Variants in USP3 observed in about 807,000 individuals in gnomAD.
USP3 encodes ubiquitin specific peptidase 3, also known as ubiquitin carboxyl-terminal hydrolase 3.
In USP3, 20 loss-of-function variants were observed where a neutral mutation model predicts 72.3. That is an observed-to-expected ratio of 0.28 (90% CI 0.19 to 0.40). The LOEUF is 0.40. Ranked by LOEUF, USP3 falls within the 10% of genes least tolerant of loss-of-function variation. The pLI is 1.00. For synonymous variants in USP3, 222 were observed against 225.3 expected, an observed-to-expected ratio of 0.99 and a Z score of 0.13; for missense variants, 479 against 633.9, an observed-to-expected ratio of 0.76 and a Z score of 2.62.
intron 3 of USP3, among the ~76,000 whole-genome samples, chr15:63,543,059 A>C (rs1240527461): frequency 6.6e-6 from 1 of 151,824 alleles, no homozygotes; most frequent in Non-Finnish European, 1.5e-5. Context: ...CTTTATTAGT[A>C]GTCATCAGTT....
Position 63,558,172 on chromosome 15 carries a change from A to C in USP3, c.517A>C (p.Ile173Leu), listed in dbSNP as rs746956291. 6.2e-7 allele frequency: 1 copy of C among 1,613,934 alleles called. No individual in the cohort carries two copies. The highest frequency in any genetic ancestry group is 1.3e-5 in the African/African-American group (1 of 74,852). ...NLGNTCFMNA[I>L]LQSLSNIEQF... The stretch of plus-strand genomic sequence containing the variant: ...GGGGAACACATGTTTCATGAATGCC[A>C]TCCTTCAGTCACTCAGGTAACGCTA... Residue 173 changes from isoleucine to leucine, a missense_variant, in exon 6 of 15, where the codon ATC (isoleucine) becomes CTC (leucine). By Grantham distance (5) the Ile-to-Leu change is conservative. Coordinates refer to ENST00000380324, the MANE Select transcript of USP3 (RefSeq NM_006537.4).
intron 11 of USP3, among the ~76,000 whole-genome samples, chr15:63,576,831 T>G (rs2066872565): frequency 6.6e-6 from 1 of 152,208 alleles, no homozygotes; most frequent in African/African-American, 2.4e-5. Flanking sequence ...TCACTGTGTT[T>G]TTGTTGACCA....
chr15:63,556,924 T>G (rs772558738), intron 5 of USP3, 176 bp downstream of exon 5: 1 of 527,412 alleles, frequency 1.9e-6, no homozygotes, highest in Non-Finnish European at 3.4e-6. Flanking sequence ...GTGACCCCAG[T>G]GAGTCCATCT....
chr15:63,584,545 G>GA (rs1208590985), intron 11 of USP3, among the ~76,000 whole-genome samples: 1 of 152,146 alleles, frequency 6.6e-6, no homozygotes, highest in African/African-American at 2.4e-5. Context: ...TTGTGATGTT[G>GA]AGCATCTTTT....
chr15:63,528,189 G>C lies in USP3; in HGVS notation c.92-4458G>C, dbSNP rs1385255069. ...GAAGTGAGACACTGCAGTCAGGGTT[G>C]GAAGAATCCAAGTAAACCGAAGAAA... On this transcript the variant is annotated intron_variant, in intron 1 of 14. Coordinates refer to ENST00000380324, the MANE Select transcript of USP3 (RefSeq NM_006537.4). The surrounding 1 kb of genome is among the most constrained non-coding windows in gnomAD (Gnocchi z 4.3). 3 of 152,218 alleles carry C rather than the reference G, an allele frequency of 2.0e-5. No individual in the cohort carries two copies. The highest frequency in any genetic ancestry group is 7.2e-5 in the African/African-American group (3 of 41,450). 9.4% of individuals were successfully genotyped at this position (152,218 alleles called of 1,614,324 possible). A position where few individuals can be genotyped will look rare whatever the true frequency, so the allele number is the denominator to read the frequency against.
rs1157999184 is a variant in USP3 at position 63,531,604 on chromosome 15, G to C, written c.92-1043G>C. On this transcript the variant is annotated intron_variant, in intron 1 of 14. Coordinates refer to ENST00000380324, the MANE Select transcript of USP3 (RefSeq NM_006537.4). ...TCGGTTAATTTTTTTTTAACAGTGA[G>C]AAAGGCCTGTTGTGATACGGGATTG... 3.3e-5 allele frequency among the ~76,000 whole-genome samples: 5 copies of C among 152,244 alleles called. No homozygotes were observed. In the Middle Eastern group the frequency reaches 0.014, roughly 414 times the overall value.
At chr15:63,568,297 G>A (rs1404824830) in intron 8 of USP3, among the ~76,000 whole-genome samples, 2 of 150,646 alleles carry the variant, frequency 1.3e-5, no homozygotes, top group South Asian at 2.1e-4. Flanking sequence ...GGAGGTTGCA[G>A]TGAGCCAAGA....
rs62011333 is a variant in USP3 at position 63,544,859 on chromosome 15, G to A, written c.284+7703G>A. The A allele has an allele frequency of 0.15, 89,728 of 616,800 alleles. 7,978 individuals carry two copies. The highest frequency in any genetic ancestry group is 0.18 in the South Asian group (9,604 of 52,252). The allele number at this position is 616,800 out of a possible 1,614,324, so 38.2% of individuals were successfully genotyped here. ...TATCTAAGCAAGGCTGACATTGTGG[G>A]GACCATCAAATACTATACTTAGTTC... On this transcript the variant is annotated intron_variant, in intron 3 of 14. Coordinates refer to ENST00000380324, the MANE Select transcript of USP3 (RefSeq NM_006537.4). This position sits in a 1 kb window ranked among gnomAD's most constrained non-coding sequence, Gnocchi z 4.2.
At chr15:63,554,169 T>C (rs889965454) in intron 4 of USP3, among the ~76,000 whole-genome samples, 2 of 152,114 alleles carry the variant, frequency 1.3e-5, no homozygotes, top group Admixed American at 6.6e-5. Context: ...TCAAATGTAT[T>C]ATGAGGTCTA....
intron 8 of USP3, among the ~76,000 whole-genome samples, chr15:63,568,102 C>T (rs1013244568): frequency 6.6e-6 from 1 of 152,118 alleles, no homozygotes; most frequent in Non-Finnish European, 1.5e-5. Flanking sequence ...TGCCTGTAAT[C>T]CCAGCACTTT....
At chr15:63,515,845 C>T (rs1237370994) in intron 1 of USP3, among the ~76,000 whole-genome samples, 5 of 152,300 alleles carry the variant, frequency 3.3e-5, no homozygotes, top group East Asian at 1.9e-4. Flanking sequence ...TAGTCTTCCT[C>T]GCCTCCACTC....
Position 63,593,388 on chromosome 15 carries a change from T to C in USP3, c.*2562T>C, listed in dbSNP as rs2067238808. On this transcript the variant is annotated 3_prime_UTR_variant, in exon 15 of 15. Transcript: ENST00000380324. The stretch of plus-strand genomic sequence containing the variant: ...TTAGAAGGTAGACAGCTGTAACCTC[T>C]AACATTGATACTTCGATCTTCAGTC... 1.3e-5 allele frequency: 2 copies of C among 152,216 alleles called. No homozygotes were observed. The highest frequency in any genetic ancestry group is 2.9e-5 in the Non-Finnish European group (2 of 68,044). The allele number at this position is 152,216 out of a possible 1,614,324, so 9.4% of individuals were successfully genotyped here.
intron 1 of USP3, among the ~76,000 whole-genome samples, chr15:63,524,313 G>C (rs758287558): frequency 3.2e-4 from 49 of 152,278 alleles, no homozygotes; most frequent in Non-Finnish European, 6.0e-4. Flanking sequence ...AGTTTCTTTT[G>C]CATCCTCACT....
At chr15:63,587,346 G>A (rs1057462824) in intron 11 of USP3, among the ~76,000 whole-genome samples, 1 of 152,062 alleles carries the variant, frequency 6.6e-6, no homozygotes, top group Admixed American at 6.5e-5. Context: ...AGAATAACGT[G>A]TATTTTATAT....
intron 2 of USP3, chr15:63,533,905 C>G: frequency 8.6e-7 from 1 of 1,163,094 alleles, no homozygotes; most frequent in Non-Finnish European, 1.1e-6. Context: ...GATTCCTCTC[C>G]TAGATTTTGA....
chr15:63,525,053 A>G (rs187992602), intron 1 of USP3, among the ~76,000 whole-genome samples: 317 of 152,356 alleles, frequency 2.1e-3, no homozygotes, highest in African/African-American at 7.3e-3. Flanking sequence ...CCTACTTTAT[A>G]TAATGATTCA....
chr15:63,574,499 T>A lies in USP3; in HGVS notation c.1096+96T>A. 1.1e-6 allele frequency: 1 copy of A among 910,000 alleles called. No individual in the cohort carries two copies. The highest frequency in any genetic ancestry group is 1.6e-6 in the Non-Finnish European group (1 of 632,862). 56.4% of individuals were successfully genotyped at this position (910,000 alleles called of 1,614,324 possible). A position where few individuals can be genotyped will look rare whatever the true frequency, so the allele number is the denominator to read the frequency against. ...ATGTGGTATCTTTAATTAATATCTT[T>A]AATGAATCTGTGTTGTAACTTAACA... On this transcript the variant is annotated intron_variant, in intron 11 of 14. Transcript: ENST00000380324. This position sits in a 1 kb window ranked among gnomAD's most constrained non-coding sequence, Gnocchi z 4.6.
chr15:63,582,629 A>T (rs995754828), intron 11 of USP3, among the ~76,000 whole-genome samples: 15 of 152,304 alleles, frequency 9.8e-5, no homozygotes, highest in Non-Finnish European at 2.2e-4. Context: ...CTTGTGCATA[A>T]ATCAGCAGGG....
At chr15:63,571,721 C>T (rs1352900280) in intron 9 of USP3, among the ~76,000 whole-genome samples, 1 of 152,182 alleles carries the variant, frequency 6.6e-6, no homozygotes, top group African/African-American at 2.4e-5. Context: ...TGTGGAATCA[C>T]ACTGTGTAAT....
Sources: allele counts gnomAD v4.1 joint callset (sites outside exome capture counted in the v4.1 genomes callset), GRCh38; gene constraint gnomAD v4.1.1; non-coding constraint Gnocchi (gnomAD v3.1); transcripts MANE v1.5; gene names NCBI Gene and HGNC (gene_info 2026-07-23, HGNC 2026-07-21).